The following CD2AP variants were observed in gnomAD, a reference collection of about 807,000 sequenced individuals.
The protein encoded by CD2AP is CD2-associated protein.
In CD2AP, 46 loss-of-function variants were observed where a neutral mutation model predicts 85.1. That is an observed-to-expected ratio of 0.54 (90% confidence interval 0.43 to 0.69). CD2AP has a LOEUF of 0.69. CD2AP is among the 30% of genes least tolerant of loss of function. CD2AP has a pLI of 0.00. For missense variants in CD2AP, 769 were observed against 729.5 expected, an observed-to-expected ratio of 1.05 and a Z score of -0.62; for synonymous variants, 255 against 252.9, an observed-to-expected ratio of 1.01 and a Z score of -0.08.
chr6:47,525,602 G>A (rs749662554), intron 2 of CD2AP, among the ~76,000 whole-genome samples: 5 of 151,920 alleles, frequency 3.3e-5, no homozygotes, highest in Non-Finnish European at 5.9e-5. Flanking sequence ...ATGAAGGAGT[G>A]GTTTGTGAAT....
Position 47,590,109 on chromosome 6 carries a change from TGATA to T in CD2AP, c.1109-5747_1109-5744del, listed in dbSNP as rs1472780169. 5.9e-5 allele frequency among the ~76,000 whole-genome samples: 9 copies of T among 152,194 alleles called. No homozygotes were observed. The East Asian group carries it at 1.7e-3, about 29-fold the overall frequency. On this transcript the variant is annotated intron_variant, in intron 11 of 17. Coordinates refer to ENST00000359314, the MANE Select transcript of CD2AP (RefSeq NM_012120.3). The stretch of plus-strand genomic sequence containing the variant: ...CTCATTCAGAGATAATTAGGCATAC[TGATA>T]GATATGACACATGGCTAGAAACCAA...
At chr6:47,478,425 G>A (rs1176902223) in intron 1 of CD2AP, among the ~76,000 whole-genome samples, 177 bp downstream of exon 1, 5 of 151,816 alleles carry the variant, frequency 3.3e-5, no homozygotes, top group Admixed American at 1.3e-4. Context: ...CTCTTCTCAC[G>A]GAGAAACTGG....
At chr6:47,618,258 T>G (rs1449291657) in intron 17 of CD2AP, among the ~76,000 whole-genome samples, 3 of 152,120 alleles carry the variant, frequency 2.0e-5, no homozygotes, top group Admixed American at 2.0e-4. Context: ...AGGCAGAGGT[T>G]GCTGTGAGCC....
intron 1 of CD2AP, among the ~76,000 whole-genome samples, chr6:47,494,723 T>C (rs556072581): frequency 1.3e-4 from 20 of 152,356 alleles, no homozygotes; most frequent in African/African-American, 4.6e-4. Context: ...CCTAGGAGTT[T>C]CCCACTTTCA....
rs561113827 is a variant in CD2AP at position 47,482,503 on chromosome 6, C to T, written c.4+4255C>T. Among the ~76,000 whole-genome samples, 603 of 151,842 alleles carry T rather than the reference C, an allele frequency of 4.0e-3. 13 individuals carry two copies. Among genetic ancestry groups the T allele is most frequent in the Middle Eastern group, 6.8e-3 (2 of 294 alleles). On this transcript the variant is annotated intron_variant, in intron 1 of 17. Coordinates refer to ENST00000359314, the MANE Select transcript of CD2AP (RefSeq NM_012120.3). ...AAGCAAGTCTCCTGCCTCAGCTTCC[C>T]GAGTAGCTGGGACTACAGGCACGTG... is the stretch of plus-strand genomic sequence containing the variant.
Position 47,624,255 on chromosome 6 carries a change from TC to T in CD2AP, c.*30del. Reference sequence around the variant, plus strand: ...GGTGTGGACCTGGTGTTCATAATGTTCCAGGGATTCAGAAGCAACGCTATGA... The same window carrying T: ...GGTGTGGACCTGGTGTTCATAATGTTCAGGGATTCAGAAGCAACGCTATGA... On this transcript the variant is annotated 3_prime_UTR_variant, in exon 18 of 18. Coordinates refer to ENST00000359314, the MANE Select transcript of CD2AP (RefSeq NM_012120.3). The T allele has an allele frequency of 1.3e-6, 2 of 1,584,916 alleles. No homozygotes were observed. Among genetic ancestry groups the T allele is most frequent in the Non-Finnish European group, 1.7e-6 (2 of 1,153,784 alleles).
intron 17 of CD2AP, among the ~76,000 whole-genome samples, chr6:47,613,676 A>G (rs1769505776): frequency 6.6e-6 from 1 of 152,156 alleles, no homozygotes; most frequent in Admixed American, 6.6e-5. Flanking sequence ...AGAATGATAA[A>G]TAAGTGATGG....
chr6:47,624,087 A>G (rs1008273584), intron 17 of CD2AP, 99 bp from the exon 18 acceptor site: 23 of 1,010,466 alleles, frequency 2.3e-5, no homozygotes, highest in Non-Finnish European at 3.5e-5. Context: ...AAAAAGTCTG[A>G]AGGCTTGAAA....
chr6:47,559,632 A>C (rs1360170746), intron 5 of CD2AP, among the ~76,000 whole-genome samples: 1 of 152,148 alleles, frequency 6.6e-6, no homozygotes, highest in Non-Finnish European at 1.5e-5. Flanking sequence ...TAATTGATAA[A>C]AGATTTCTAG....
intron 13 of CD2AP, among the ~76,000 whole-genome samples, chr6:47,599,993 A>G (rs1769086506): frequency 6.7e-6 from 1 of 150,230 alleles, no homozygotes; most frequent in African/African-American, 2.4e-5. Flanking sequence ...TTTAATACCT[A>G]TTATTATTTG....
intron 10 of CD2AP, among the ~76,000 whole-genome samples, chr6:47,581,465 A>T (rs1768477744): frequency 6.6e-6 from 1 of 152,134 alleles, no homozygotes; most frequent in East Asian, 1.9e-4. Context: ...GAATAATTCA[A>T]GTCTTTTTGT....
chr6:47,568,733 G>A (rs1019848244), intron 5 of CD2AP, among the ~76,000 whole-genome samples: 5 of 128,802 alleles, frequency 3.9e-5, no homozygotes, highest in African/African-American at 1.4e-4. Context: ...GACAGAGTGA[G>A]ACTCCGTCTC....
chr6:47,509,482 A>C (rs1766262048), intron 2 of CD2AP, among the ~76,000 whole-genome samples: 3 of 152,084 alleles, frequency 2.0e-5, no homozygotes, highest in Admixed American at 2.0e-4. Context: ...CAGTGAAGCG[A>C]AGTGCAGTAA....
In CD2AP at chr6:47,554,681, C is replaced by T; in HGVS notation, c.456C>T (p.Asn152=). The T allele has an allele frequency of 6.2e-7, 1 of 1,613,584 alleles. No homozygotes were observed. Among genetic ancestry groups the T allele is most frequent in the Non-Finnish European group, 8.5e-7 (1 of 1,179,706 alleles). The change falls in exon 5 of 18, where the codon AAC becomes AAT. Residue 152 remains asparagine, a synonymous_variant. Coordinates refer to ENST00000359314, the MANE Select transcript of CD2AP (RefSeq NM_012120.3). ...GCTGGTGGAGTGGAACCCTGAATAA[C>T]AAGTTGGGACTGTTTCCCTCAAATT... ...EEGWWSGTLN[N]KLGLFPSNFV...
Position 47,625,577 on chromosome 6 carries a change from C to CA in CD2AP, c.*1356dup, listed in dbSNP as rs1200665712. The CA allele has an allele frequency of 6.6e-6, 1 of 151,564 alleles. No homozygotes were observed. Among genetic ancestry groups the CA allele is most frequent in the Admixed American group, 6.6e-5 (1 of 15,228 alleles). The allele number at this position is 151,564 out of a possible 1,614,324, so 9.4% of individuals were successfully genotyped here. On this transcript the variant is annotated 3_prime_UTR_variant, in exon 18 of 18. Coordinates refer to ENST00000359314, the MANE Select transcript of CD2AP (RefSeq NM_012120.3). ...TTTAAAATTTGAAATTTTTTATTTG[C>CA]AAAAAATTGTTTTATGCTTTATTAT...
intron 3 of CD2AP, among the ~76,000 whole-genome samples, chr6:47,539,639 T>C (rs1767152579): frequency 6.6e-6 from 1 of 152,216 alleles, no homozygotes; most frequent in African/African-American, 2.4e-5. Context: ...TATTTAACTT[T>C]TTATTTCCTT....
intron 3 of CD2AP, among the ~76,000 whole-genome samples, chr6:47,542,391 G>A (rs1767238637): frequency 6.6e-6 from 1 of 152,188 alleles, no homozygotes; most frequent in African/African-American, 2.4e-5. Flanking sequence ...AAAATATGTA[G>A]CAGATACTGC....
chr6:47,591,094 A>G (rs1361826739), intron 11 of CD2AP, among the ~76,000 whole-genome samples: 3 of 152,238 alleles, frequency 2.0e-5, no homozygotes, highest in African/African-American at 7.2e-5. Context: ...AAAAGAGTTG[A>G]GGTATATTCA....
At chr6:47,502,451 CG>C (rs377688764) in intron 1 of CD2AP, among the ~76,000 whole-genome samples, 57 of 150,186 alleles carry the variant, frequency 3.8e-4, no homozygotes, top group Admixed American at 1.1e-3. Context: ...TTTGTAGAGA[CG>C]GGGTTTTGTT....
Sources: gnomAD v4.1 joint callset for allele counts (sites outside exome capture counted in the v4.1 genomes callset) on GRCh38, gnomAD v4.1.1 for gene constraint, MANE v1.5 for transcripts, NCBI Gene and HGNC (gene_info 2026-07-23, HGNC 2026-07-21) for gene names.